Variants in RAD51B observed in about 807,000 individuals in gnomAD.
RAD51B encodes the protein DNA repair protein RAD51 homolog 2.
In RAD51B, 38 loss-of-function variants were observed where a neutral mutation model predicts 42.2. That is an observed-to-expected ratio of 0.90 (90% CI 0.70 to 1.18). The LOEUF (loss-of-function observed/expected upper bound fraction) is 1.18. Among genes scored for constraint, RAD51B ranks in the 50% most tolerant of loss-of-function variants. RAD51B has a pLI of 0.00. For missense variants in RAD51B, 373 were observed against 400.7 expected, an observed-to-expected ratio of 0.93 and a Z score of 0.59; for synonymous variants, 154 against 145.2, an observed-to-expected ratio of 1.06 and a Z score of -0.43.
chr14:68,401,909 A>C (rs762508899), intron 8 of RAD51B, among the ~76,000 whole-genome samples: 2 of 152,180 alleles, frequency 1.3e-5, no homozygotes, highest in Non-Finnish European at 2.9e-5. Flanking sequence ...TACTTAATAG[A>C]TAGCGTGTGG....
intron 9 of RAD51B, among the ~76,000 whole-genome samples, chr14:68,415,721 T>C (rs2084540433): frequency 6.6e-6 from 1 of 152,254 alleles, no homozygotes; most frequent in East Asian, 1.9e-4. Flanking sequence ...TAGCGAGGGC[T>C]GGAAAAGCTA....
intron 10 of RAD51B, among the ~76,000 whole-genome samples, chr14:68,566,225 CAG>C (rs1183772681): frequency 1.3e-5 from 2 of 152,212 alleles, no homozygotes; most frequent in African/African-American, 4.8e-5. Flanking sequence ...GCTCTGTCCT[CAG>C]AGTCTACAAG....
intron 7 of RAD51B, among the ~76,000 whole-genome samples, chr14:68,011,977 A>G (rs1335494661): frequency 6.6e-6 from 1 of 152,126 alleles, no homozygotes; most frequent in Non-Finnish European, 1.5e-5. Flanking sequence ...GGCTGTCATG[A>G]ATCTCAATAA....
At chr14:68,654,834 C>T (rs1415279960) in intron 11 of RAD51B, among the ~76,000 whole-genome samples, 2 of 152,184 alleles carry the variant, frequency 1.3e-5, no homozygotes, top group East Asian at 1.9e-4. Flanking sequence ...TCCAAGAACC[C>T]GCTTTGGCTG....
chr14:68,306,571 A>G (rs1303818678), intron 8 of RAD51B: 1 of 462,390 alleles, frequency 2.2e-6, no homozygotes, highest in African/African-American at 2.0e-5. Flanking sequence ...GACCCAGTAT[A>G]TCTTTTGACC....
intron 7 of RAD51B, among the ~76,000 whole-genome samples, chr14:68,240,918 A>T (rs1471875191): frequency 6.6e-6 from 1 of 152,226 alleles, no homozygotes; most frequent in African/African-American, 2.4e-5. Context: ...TTATCTTATT[A>T]AGCTAAAATA....
At chr14:68,552,925 CTTG>C (rs1220519378) in intron 10 of RAD51B, among the ~76,000 whole-genome samples, 2 of 152,218 alleles carry the variant, frequency 1.3e-5, no homozygotes, top group African/African-American at 4.8e-5. Context: ...AATATTTTTG[CTTG>C]TTGTTCTAAT....
intron 3 of RAD51B, among the ~76,000 whole-genome samples, chr14:67,831,036 C>T (rs749057385): frequency 1.1e-4 from 16 of 148,710 alleles, no homozygotes; most frequent in South Asian, 2.1e-4. Context: ...CCACTATGCC[C>T]GGTTAATTTT....
At chr14:68,143,818 A>T (rs990774942) in intron 7 of RAD51B, among the ~76,000 whole-genome samples, 1 of 152,020 alleles carries the variant, frequency 6.6e-6, no homozygotes, top group African/African-American at 2.4e-5. Flanking sequence ...GTGTGTGTGG[A>T]CTCTATCAGA....
At chr14:68,340,163 A>T (rs1219227904) in intron 8 of RAD51B, among the ~76,000 whole-genome samples, 1 of 152,250 alleles carries the variant, frequency 6.6e-6, no homozygotes, top group Non-Finnish European at 1.5e-5. Context: ...TTACCAAGGA[A>T]AGTAAATACA....
rs192955879 is a variant in RAD51B, at chr14:68,647,810, C to G, written c.1037-2971C>G. 7.4e-3 allele frequency among the ~76,000 whole-genome samples: 1,128 copies of G among 152,024 alleles called. 10 individuals carry two copies. Among genetic ancestry groups the G allele is most frequent in the Non-Finnish European group, 0.012 (821 of 67,976 alleles). ...TCTCCTGCCTCAGCCTCCCGAGTAG[C>G]CGGAATTACAGGCATGCACCACCAT... On this transcript the variant is annotated intron_variant, in intron 10 of 11. Transcript: ENST00000488612.
intron 7 of RAD51B, among the ~76,000 whole-genome samples, chr14:68,064,472 G>A (rs2076617894): frequency 6.6e-6 from 1 of 152,004 alleles, no homozygotes; most frequent in Non-Finnish European, 1.5e-5. Flanking sequence ...GAGCTTCCTG[G>A]ATTTAGATGT....
intron 7 of RAD51B, among the ~76,000 whole-genome samples, chr14:68,235,024 T>G (rs2080218517): frequency 6.6e-6 from 1 of 152,158 alleles, no homozygotes; most frequent in Non-Finnish European, 1.5e-5. Context: ...TGTTTTACAG[T>G]AAAATATTTT....
chr14:68,379,068 T>A (rs975322992), intron 8 of RAD51B, among the ~76,000 whole-genome samples: 1 of 152,210 alleles, frequency 6.6e-6, no homozygotes, highest in African/African-American at 2.4e-5. Flanking sequence ...TATTGTTACT[T>A]GTTCCGGGAA....
intron 7 of RAD51B, among the ~76,000 whole-genome samples, chr14:68,263,579 G>A (rs892320611): frequency 1.3e-5 from 2 of 152,140 alleles, no homozygotes; most frequent in Non-Finnish European, 2.9e-5. Context: ...TACCTATACA[G>A]TAAAGATAAA....
intron 7 of RAD51B, among the ~76,000 whole-genome samples, chr14:67,900,467 A>G (rs1325148377): frequency 3.3e-5 from 5 of 152,094 alleles, no homozygotes; most frequent in African/African-American, 7.2e-5. Flanking sequence ...GACAGAAGAC[A>G]TTTTAGTTTC....
chr14:68,541,325 C>T (rs1887954945), intron 10 of RAD51B: 3 of 985,372 alleles, frequency 3.0e-6, no homozygotes, highest in African/African-American at 1.7e-5. Context: ...CTGGCTCTAA[C>T]AGGCTAATAG....
At chr14:68,671,391 GTACCATGCCCTCCCCTATGTGGA>G (rs914923355) in intron 11 of RAD51B, among the ~76,000 whole-genome samples, 2 of 152,112 alleles carry the variant, frequency 1.3e-5, no homozygotes, top group Admixed American at 1.3e-4. Flanking sequence ...CCAGTTTGCT[GTACCATGCCCTCCCCTATGTGGA>G]TTCACCTTGG....
intron 7 of RAD51B, among the ~76,000 whole-genome samples, chr14:68,116,762 A>G (rs2077556040): frequency 6.6e-6 from 1 of 152,166 alleles, no homozygotes; most frequent in Admixed American, 6.6e-5. Context: ...TCCTAGTTCT[A>G]TGTCCTATTG....
Sources: gnomAD v4.1 joint callset for allele counts (sites outside exome capture counted in the v4.1 genomes callset) on GRCh38, gnomAD v4.1.1 for gene constraint, MANE v1.5 for transcripts, NCBI Gene and HGNC (gene_info 2026-07-23, HGNC 2026-07-21) for gene names.